Variants in FILIP1 observed in about 807,000 individuals in gnomAD.
FILIP1 encodes the protein filamin-A-interacting protein 1.
A neutral mutation model predicts 102.1 loss-of-function variants in FILIP1; 61 were observed. The ratio of observed to expected loss-of-function variants is 0.60; its 90% CI spans 0.49 to 0.74. The LOEUF is 0.74. FILIP1 is among the 30% of genes least tolerant of loss of function. The probability of loss-of-function intolerance (pLI) is 0.00; values close to 1 mark genes in which losing one functional copy is unlikely to be tolerated. For missense variants in FILIP1, 1,314 were observed against 1,441.2 expected (o/e 0.91, Z 1.43); for synonymous variants, 491 against 526.9 (o/e 0.93, Z 0.93).
In FILIP1 at chr6:75,441,359, T is replaced by C. The variant is rs1360349613; in HGVS notation, c.-6-26381A>G. ...GAATTTTTCTTAGTACAGAACAAAA[T>C]GAAGTCTCCCATGTCTACTTCTTTC... On this transcript the variant is annotated intron_variant, in intron 1 of 5. Transcript: ENST00000237172. 5.3e-5 allele frequency among the ~76,000 whole-genome samples: 8 copies of C among 152,296 alleles called. No individual in the cohort carries two copies. In the East Asian group the frequency reaches 1.5e-3, roughly 29 times the overall value.
intron 1 of FILIP1, among the ~76,000 whole-genome samples, chr6:75,474,312 T>C (rs1779412704): frequency 6.6e-6 from 1 of 152,214 alleles, no homozygotes; most frequent in Non-Finnish European, 1.5e-5. Flanking sequence ...CCTTGGTTAA[T>C]AGTGCCCTAT....
intron 2 of FILIP1, chr6:75,367,617 G>T (rs1775380554): frequency 6.6e-6 from 1 of 152,168 alleles, no homozygotes; most frequent in Admixed American, 6.5e-5. Context: ...CTGCACTCCA[G>T]CCTCGGCGAC....
intron 1 of FILIP1, chr6:75,458,030 C>T (rs1490886622): frequency 6.6e-6 from 1 of 152,158 alleles, no homozygotes; most frequent in Non-Finnish European, 1.5e-5. Flanking sequence ...TCAGAATGCT[C>T]AATTAAATCT....
intron 4 of FILIP1, among the ~76,000 whole-genome samples, chr6:75,335,989 A>C (rs1182942573): frequency 6.6e-6 from 1 of 152,244 alleles, no homozygotes; most frequent in Non-Finnish European, 1.5e-5. Context: ...CAGGGTTATA[A>C]TCAAATAATG....
intron 2 of FILIP1, among the ~76,000 whole-genome samples, chr6:75,401,584 CTT>C (rs1419647592): frequency 6.6e-6 from 1 of 152,152 alleles, no homozygotes; most frequent in African/African-American, 2.4e-5. Flanking sequence ...GTTCCTCAGT[CTT>C]ATTAGCTACA....
intron 4 of FILIP1, among the ~76,000 whole-genome samples, chr6:75,324,996 T>C (rs1463740297): frequency 6.6e-6 from 1 of 152,174 alleles, no homozygotes; most frequent in Non-Finnish European, 1.5e-5. Flanking sequence ...GAAGATAACA[T>C]TGGAAAAACT....
intron 4 of FILIP1, chr6:75,319,830 C>CA (rs200047982): frequency 0.49 from 161,139 of 332,132 alleles, 32,701 homozygotes; most frequent in African/African-American, 0.61. Context: ...ACTCCGTCCC[C>CA]CAAAAAAAAA....
intron 1 of FILIP1, among the ~76,000 whole-genome samples, chr6:75,483,884 T>TG (rs1779714351): frequency 6.6e-6 from 1 of 152,120 alleles, no homozygotes; most frequent in Admixed American, 6.6e-5. Flanking sequence ...TGCTGGGGGC[T>TG]GGGGGGAGAT....
chr6:75,446,853 A>T (rs1300452412), intron 1 of FILIP1, among the ~76,000 whole-genome samples: 1 of 152,160 alleles, frequency 6.6e-6, no homozygotes, highest in Non-Finnish European at 1.5e-5. Context: ...TTTACACACA[A>T]TGTGGCACAT....
intron 4 of FILIP1, among the ~76,000 whole-genome samples, chr6:75,330,630 AT>A (rs901162554): frequency 1.3e-5 from 2 of 152,178 alleles, no homozygotes; most frequent in African/African-American, 4.8e-5. Flanking sequence ...TATATTTATG[AT>A]TTTAAGCTAT....
chr6:75,308,039 T>G (rs1031642924), downstream of FILIP1: 160 of 985,688 alleles, frequency 1.6e-4, no homozygotes, highest in Non-Finnish European at 1.9e-4. Flanking sequence ...GAGCTAAAAC[T>G]TCTACAATAC....
chr6:75,389,051 A>G (rs1418666393), intron 2 of FILIP1, among the ~76,000 whole-genome samples: 1 of 152,128 alleles, frequency 6.6e-6, no homozygotes, highest in Admixed American at 6.5e-5. Context: ...TTCCATCAAC[A>G]CCTAGTTTAT....
At chr6:75,309,468 C>T (rs1191988230) in intron 5 of FILIP1, among the ~76,000 whole-genome samples, 2 of 152,182 alleles carry the variant, frequency 1.3e-5, no homozygotes, top group East Asian at 3.9e-4. Flanking sequence ...TTGTTCTCTA[C>T]TCTGCCTGCC....
intron 2 of FILIP1, among the ~76,000 whole-genome samples, chr6:75,379,041 G>A (rs1775824494): frequency 6.6e-6 from 1 of 152,114 alleles, no homozygotes; most frequent in African/African-American, 2.4e-5. Context: ...AAATGCTTTA[G>A]AGATCATCGA....
At chr6:75,486,892 C>G in intron 1 of FILIP1, among the ~76,000 whole-genome samples, 1 of 151,800 alleles carries the variant, frequency 6.6e-6, no homozygotes, top group East Asian at 1.9e-4. Context: ...TTACATGTAG[C>G]CATTATTATT....
intron 1 of FILIP1, among the ~76,000 whole-genome samples, chr6:75,461,766 A>G (rs1779028531): frequency 6.6e-6 from 1 of 152,250 alleles, no homozygotes; most frequent in African/African-American, 2.4e-5. Flanking sequence ...CTGGACATAC[A>G]CATTAGAAAG....
intron 2 of FILIP1, among the ~76,000 whole-genome samples, chr6:75,363,644 A>G (rs1775237924): frequency 6.6e-6 from 1 of 152,200 alleles, no homozygotes; most frequent in Non-Finnish European, 1.5e-5. Context: ...TAGGCTTTAT[A>G]TCATACTGTC....
intron 1 of FILIP1, among the ~76,000 whole-genome samples, chr6:75,460,770 A>G (rs1582543060): frequency 6.6e-6 from 1 of 152,220 alleles, no homozygotes; most frequent in Non-Finnish European, 1.5e-5. Context: ...CAATATGGCC[A>G]AAAGACTGTA....
chr6:75,337,108 A>G (rs1774267716), intron 4 of FILIP1, among the ~76,000 whole-genome samples: 1 of 152,070 alleles, frequency 6.6e-6, no homozygotes, highest in Admixed American at 6.6e-5. Context: ...TTTTCTATGA[A>G]TCATATACAA....
Sources: allele counts gnomAD v4.1 joint callset (sites outside exome capture counted in the v4.1 genomes callset), GRCh38; gene constraint gnomAD v4.1.1; transcripts MANE v1.5; gene names NCBI Gene and HGNC (gene_info 2026-07-23, HGNC 2026-07-21).